Variants in CSGALNACT1 observed in about 807,000 individuals in gnomAD.
The protein encoded by CSGALNACT1 is chondroitin sulfate N-acetylgalactosaminyltransferase 1.
In CSGALNACT1, 52 loss-of-function variants were observed where a neutral mutation model predicts 51.0. The ratio of observed to expected loss-of-function variants is 1.02; its 90% CI spans 0.82 to 1.29. CSGALNACT1 has a LOEUF of 1.29. Ranked by LOEUF, CSGALNACT1 falls within the 50% of genes most tolerant of loss-of-function variation. CSGALNACT1 has a pLI of 0.00. For synonymous variants in CSGALNACT1, 341 were observed against 254.4 expected (o/e 1.34, Z -3.24); for missense variants, 935 against 679.2 (o/e 1.38, Z -4.19).
intron 8 of CSGALNACT1, among the ~76,000 whole-genome samples, chr8:19,416,668 A>G (rs1205585387): frequency 1.3e-5 from 2 of 152,176 alleles, no homozygotes; most frequent in African/African-American, 4.8e-5. Flanking sequence ...TGCCTGTAGT[A>G]TTCAGGACAG....
intron 3 of CSGALNACT1, among the ~76,000 whole-genome samples, chr8:19,515,985 G>T (rs560712027): frequency 1.3e-5 from 2 of 152,240 alleles, no homozygotes; most frequent in South Asian, 2.1e-4. Context: ...GACATCTCAA[G>T]CACACATGTG....
intron 3 of CSGALNACT1, among the ~76,000 whole-genome samples, chr8:19,574,456 C>G (rs1221466906): frequency 1.3e-5 from 2 of 152,212 alleles, no homozygotes; most frequent in Non-Finnish European, 2.9e-5. Context: ...CTATGCTGCT[C>G]TTTCACAAGA....
At chr8:19,660,106 A>G (rs1008892888) in intron 1 of CSGALNACT1, among the ~76,000 whole-genome samples, 2 of 152,244 alleles carry the variant, frequency 1.3e-5, no homozygotes, top group African/African-American at 4.8e-5. Flanking sequence ...TGGCGAAGCC[A>G]TGACTTAATG....
chr8:19,703,446 G>A (rs2061988084), intron 1 of CSGALNACT1, among the ~76,000 whole-genome samples: 1 of 152,174 alleles, frequency 6.6e-6, no homozygotes, highest in Admixed American at 6.5e-5. Context: ...TGGGACTACA[G>A]GCACCTGCCA....
At chr8:19,430,026 G>A (rs2059409131) in intron 6 of CSGALNACT1, among the ~76,000 whole-genome samples, 1 of 152,204 alleles carries the variant, frequency 6.6e-6, no homozygotes, top group Non-Finnish European at 1.5e-5. Flanking sequence ...CATCTTTGGA[G>A]AAATGTACAT....
chr8:19,589,048 G>T (rs1208668048), intron 3 of CSGALNACT1, among the ~76,000 whole-genome samples: 1 of 152,178 alleles, frequency 6.6e-6, no homozygotes, highest in Non-Finnish European at 1.5e-5. Context: ...CAGGGTCACG[G>T]AGCTCTTGAC....
intron 3 of CSGALNACT1, among the ~76,000 whole-genome samples, chr8:19,588,544 C>A (rs141150691): frequency 7.9e-5 from 12 of 152,310 alleles, no homozygotes; most frequent in African/African-American, 2.9e-4. Context: ...TGTGCCCATG[C>A]ACTCAATAGA....
intron 1 of CSGALNACT1, among the ~76,000 whole-genome samples, chr8:19,671,337 G>A (rs1010939384): frequency 6.6e-6 from 1 of 152,178 alleles, no homozygotes; most frequent in African/African-American, 2.4e-5. Flanking sequence ...CCCTATGGAT[G>A]AACTAGTTAG....
chr8:19,721,223 A>G (rs1175783524), intron 1 of CSGALNACT1, among the ~76,000 whole-genome samples: 1 of 152,040 alleles, frequency 6.6e-6, no homozygotes, highest in Admixed American at 6.6e-5. Context: ...CATTTCCAAA[A>G]CCTGCTGTGA....
chr8:19,658,145 G>A (rs1300562133), intron 1 of CSGALNACT1, among the ~76,000 whole-genome samples: 4 of 150,026 alleles, frequency 2.7e-5, no homozygotes, highest in African/African-American at 7.4e-5. Flanking sequence ...TTTGGAAAGT[G>A]ATTAGGGCTA....
chr8:19,610,904 T>C (rs1337356611), intron 1 of CSGALNACT1, among the ~76,000 whole-genome samples: 3 of 152,204 alleles, frequency 2.0e-5, no homozygotes, highest in Admixed American at 1.3e-4. Flanking sequence ...GAGCACATGG[T>C]AGCACATGCC....
chr8:19,614,610 C>A (rs1013222498), intron 1 of CSGALNACT1, among the ~76,000 whole-genome samples: 1 of 152,084 alleles, frequency 6.6e-6, no homozygotes, highest in Non-Finnish European at 1.5e-5. Flanking sequence ...AGGATATTTT[C>A]TTTTTCAACA....
chr8:19,476,559 C>A (rs2069706068), intron 4 of CSGALNACT1, among the ~76,000 whole-genome samples: 1 of 151,884 alleles, frequency 6.6e-6, no homozygotes, highest in African/African-American at 2.4e-5. Context: ...TATTTTTTTT[C>A]AAATCAGTCA....
chr8:19,582,286 C>T (rs973781376), intron 3 of CSGALNACT1, among the ~76,000 whole-genome samples: 2 of 152,076 alleles, frequency 1.3e-5, no homozygotes, highest in Admixed American at 6.6e-5. Context: ...CACCAACAGA[C>T]AAACCTGGTA....
intron 4 of CSGALNACT1, among the ~76,000 whole-genome samples, chr8:19,461,871 G>C (rs78359286): frequency 1.2e-4 from 16 of 131,260 alleles, no homozygotes; most frequent in East Asian, 4.0e-4. Flanking sequence ...CATGGAGGGC[G>C]TATCCACACA....
At chr8:19,462,191 C>T (rs1177526594) in intron 4 of CSGALNACT1, among the ~76,000 whole-genome samples, 1 of 152,270 alleles carries the variant, frequency 6.6e-6, no homozygotes, top group Non-Finnish European at 1.5e-5. Flanking sequence ...GCCATATCTG[C>T]ACAACTGAAA....
intron 3 of CSGALNACT1, among the ~76,000 whole-genome samples, chr8:19,510,504 G>A (rs1304625642): frequency 6.6e-6 from 1 of 152,110 alleles, no homozygotes; most frequent in Non-Finnish European, 1.5e-5. Flanking sequence ...TCAATGCACT[G>A]TATAAAAAGT....
chr8:19,487,056 C>T (rs1316180085), intron 4 of CSGALNACT1, among the ~76,000 whole-genome samples: 1 of 152,212 alleles, frequency 6.6e-6, no homozygotes, highest in African/African-American at 2.4e-5. Context: ...AGTTAACCTA[C>T]ATTCAGATGC....
intron 3 of CSGALNACT1, among the ~76,000 whole-genome samples, chr8:19,571,827 G>A (rs1034300536): frequency 6.6e-6 from 1 of 152,168 alleles, no homozygotes; most frequent in Non-Finnish European, 1.5e-5. Context: ...TCAGACAAGG[G>A]CTGCCTGGAA....
Sources: gnomAD v4.1 joint callset for allele counts (sites outside exome capture counted in the v4.1 genomes callset) on GRCh38, gnomAD v4.1.1 for gene constraint, MANE v1.5 for transcripts, NCBI Gene and HGNC (gene_info 2026-07-23, HGNC 2026-07-21) for gene names.